SPOCK1: variants seen among roughly 807,000 people sequenced by gnomAD.
The protein encoded by SPOCK1 is SPARC (osteonectin), cwcv and kazal like domains proteoglycan 1.
Under a neutral mutation model 55.3 loss-of-function variants are expected in SPOCK1, and 23 were observed. That is an observed-to-expected ratio of 0.42 (90% CI 0.30 to 0.59). The LOEUF (loss-of-function observed/expected upper bound fraction) is 0.59. Ranked by LOEUF, SPOCK1 falls within the 20% of genes least tolerant of loss-of-function variation. The pLI is 0.22. For synonymous variants in SPOCK1, 226 were observed against 221.0 expected (o/e 1.02, Z -0.20); for missense variants, 499 against 552.5 (o/e 0.90, Z 0.97).
At chr5:137,244,163 A>G (rs781675311) in intron 3 of SPOCK1, among the ~76,000 whole-genome samples, 1 of 151,408 alleles carries the variant, frequency 6.6e-6, no homozygotes, top group African/African-American at 2.4e-5. Context: ...TAAAAATAAC[A>G]TGTTGCCTAT....
At chr5:137,299,204 T>C (rs2127135557) in intron 2 of SPOCK1, among the ~76,000 whole-genome samples, 1 of 152,242 alleles carries the variant, frequency 6.6e-6, no homozygotes, top group Admixed American at 6.5e-5. Context: ...TAGGCAGAGT[T>C]CCTGTTGTAC....
At chr5:137,413,511 T>C (rs571830736) in intron 2 of SPOCK1, among the ~76,000 whole-genome samples, 24 of 148,978 alleles carry the variant, frequency 1.6e-4, no homozygotes, top group Non-Finnish European at 3.1e-4. Context: ...ACTAGGGTAG[T>C]TTCCCCCTGA....
intron 2 of SPOCK1, among the ~76,000 whole-genome samples, chr5:137,445,490 A>G (rs556337324): frequency 1.6e-4 from 25 of 152,192 alleles, no homozygotes; most frequent in Non-Finnish European, 3.4e-4. Context: ...GAAGCTTACA[A>G]TCTCACAAGA....
chr5:137,204,426 G>A (rs571639496), intron 3 of SPOCK1, among the ~76,000 whole-genome samples: 36 of 152,248 alleles, frequency 2.4e-4, no homozygotes, highest in African/African-American at 8.7e-4. Context: ...AGATTGGAAA[G>A]AGGGAAACAT....
At chr5:137,217,755 G>C (rs1447789063) in intron 3 of SPOCK1, among the ~76,000 whole-genome samples, 2 of 152,148 alleles carry the variant, frequency 1.3e-5, no homozygotes, top group Non-Finnish European at 2.9e-5. Context: ...CTCAGTCATA[G>C]CAATCTTTTG....
chr5:137,286,154 T>C (rs1285161935), intron 2 of SPOCK1, among the ~76,000 whole-genome samples: 5 of 152,168 alleles, frequency 3.3e-5, no homozygotes, highest in African/African-American at 1.2e-4. Context: ...GGGAACCTGC[T>C]TGAGTTCACA....
chr5:137,462,474 G>A (rs956547017), intron 2 of SPOCK1, among the ~76,000 whole-genome samples: 2 of 152,194 alleles, frequency 1.3e-5, no homozygotes, highest in African/African-American at 4.8e-5. Context: ...CAGCTGGATC[G>A]TGCACTGGCT....
At chr5:137,259,348 A>G (rs1025479243) in intron 3 of SPOCK1, among the ~76,000 whole-genome samples, 2 of 152,204 alleles carry the variant, frequency 1.3e-5, no homozygotes, top group African/African-American at 4.8e-5. Flanking sequence ...AGGGACCTGG[A>G]TGAAGCTGGA....
At chr5:137,097,880 C>T (rs1238085577) in intron 5 of SPOCK1, among the ~76,000 whole-genome samples, 1 of 152,176 alleles carries the variant, frequency 6.6e-6, no homozygotes. Context: ...ACCAGAGGTG[C>T]CTGCTGCCGT....
intron 2 of SPOCK1, among the ~76,000 whole-genome samples, chr5:137,407,605 C>T (rs1005793980): frequency 2.0e-5 from 3 of 152,084 alleles, no homozygotes; most frequent in Admixed American, 6.5e-5. Context: ...AAAAGCAGCA[C>T]AAAACACCAC....
At chr5:137,464,534 G>A (rs1182389189) in intron 2 of SPOCK1, among the ~76,000 whole-genome samples, 2 of 144,174 alleles carry the variant, frequency 1.4e-5, no homozygotes, top group African/African-American at 5.0e-5. Context: ...CTGACAAGAA[G>A]CCAGTGAAGA....
At chr5:137,131,381 G>A (rs1580767040) in intron 4 of SPOCK1, among the ~76,000 whole-genome samples, 2 of 152,180 alleles carry the variant, frequency 1.3e-5, no homozygotes, top group East Asian at 3.9e-4. Context: ...AGGCTGAGAT[G>A]GGCAGATCAC....
At chr5:137,346,722 G>A (rs1339440731) in intron 2 of SPOCK1, among the ~76,000 whole-genome samples, 1 of 152,228 alleles carries the variant, frequency 6.6e-6, no homozygotes, top group Non-Finnish European at 1.5e-5. Context: ...CCAAAAAGGA[G>A]TTTGCAGCTC....
intron 3 of SPOCK1, among the ~76,000 whole-genome samples, chr5:137,201,744 C>T (rs1212052805): frequency 6.6e-6 from 1 of 152,208 alleles, no homozygotes; most frequent in African/African-American, 2.4e-5. Context: ...AGAAAGACTG[C>T]TTAATCCCAA....
intron 3 of SPOCK1, among the ~76,000 whole-genome samples, chr5:137,202,859 C>T (rs1267560277): frequency 2.0e-5 from 3 of 152,178 alleles, no homozygotes; most frequent in Non-Finnish European, 4.4e-5. Flanking sequence ...CTTTTAAACT[C>T]GCTGGACAAG....
chr5:136,985,456 A>T (rs1444050177), intron 8 of SPOCK1, among the ~76,000 whole-genome samples: 2 of 151,844 alleles, frequency 1.3e-5, no homozygotes, highest in African/African-American at 4.9e-5. Context: ...TTCTAGTACC[A>T]ACTCAAGCAA....
Position 137,498,518 on chromosome 5 carries a change from C to A in SPOCK1, c.41G>T (p.Trp14Leu). 2 of 1,556,656 alleles carry A rather than the reference C, an allele frequency of 1.3e-6. No individual in the cohort carries two copies. Among genetic ancestry groups the A allele is most frequent in the Non-Finnish European group, 1.7e-6 (2 of 1,157,882 alleles). ...CCGGCTCTCGACTTGGAGGAAGCAC[C>A]ACGCCGCGGCGGCCGCCGCCAACAC... Reference protein sequence around the residue: ...IAVLAAAAAAWCFLQVESRHL... With the variant: ...IAVLAAAAAALCFLQVESRHL... The change falls in exon 2 of 11, where the codon TGG (tryptophan) becomes TTG (leucine). Residue 14 changes from tryptophan to leucine, a missense_variant. Physicochemically the swap from Trp to Leu is moderately conservative, Grantham distance 61. Coordinates refer to ENST00000394945, the MANE Select transcript of SPOCK1 (RefSeq NM_004598.4).
intron 5 of SPOCK1, among the ~76,000 whole-genome samples, chr5:137,108,457 C>T (rs1753407005): frequency 6.6e-6 from 1 of 152,126 alleles, no homozygotes; most frequent in African/African-American, 2.4e-5. Flanking sequence ...AACACCCATG[C>T]CATTTCCCAC....
chr5:137,422,908 T>C (rs1024162264), intron 2 of SPOCK1, among the ~76,000 whole-genome samples: 5 of 152,164 alleles, frequency 3.3e-5, no homozygotes, highest in African/African-American at 9.7e-5. Flanking sequence ...TTCCCCATCT[T>C]TGTGGTTTTA....
Sources: allele counts gnomAD v4.1 joint callset (sites outside exome capture counted in the v4.1 genomes callset), GRCh38; gene constraint gnomAD v4.1.1; transcripts MANE v1.5; gene names NCBI Gene and HGNC (gene_info 2026-07-23, HGNC 2026-07-21).